DOCK3: variants seen among roughly 807,000 people sequenced by gnomAD.
DOCK3 encodes the protein dedicator of cytokinesis 3.
DOCK3 carries 60 observed loss-of-function variants against 265.6 expected under a neutral mutation model. That is an observed-to-expected ratio of 0.23 (90% confidence interval 0.18 to 0.28). DOCK3 has a LOEUF of 0.28. DOCK3 is among the 10% of genes least tolerant of loss of function. DOCK3 has a pLI of 1.00. For missense variants in DOCK3, 1,981 were observed against 2,594.3 expected (o/e 0.76, Z 5.14); for synonymous variants, 881 against 938.0 (o/e 0.94, Z 1.11).
At chr3:50,778,537 G>A (rs1440416321) in intron 1 of DOCK3, 138 bp from the exon 2 acceptor site, 7 of 566,206 alleles carry the variant, frequency 1.2e-5, no homozygotes, top group African/African-American at 5.6e-5. Context: ...AAATGGAAAG[G>A]GGCTTACACT....
chr3:51,185,882 CAGCCATGTGT>C (rs2087571387), intron 12 of DOCK3, among the ~76,000 whole-genome samples: 1 of 152,142 alleles, frequency 6.6e-6, no homozygotes, highest in South Asian at 2.1e-4. Context: ...GAGGCCTCCC[CAGCCATGTGT>C]AACTGTGAGT....
intron 32 of DOCK3, among the ~76,000 whole-genome samples, chr3:51,327,794 C>G (rs921834586): frequency 4.6e-5 from 7 of 151,876 alleles, no homozygotes; most frequent in Non-Finnish European, 8.8e-5. Context: ...ATTCTCCTGC[C>G]TCAGCCTCCC....
At chr3:50,944,212 A>G (rs1057273273) in intron 5 of DOCK3, among the ~76,000 whole-genome samples, 1 of 152,218 alleles carries the variant, frequency 6.6e-6, no homozygotes, top group African/African-American at 2.4e-5. Context: ...GAAAAACCCC[A>G]TTCCACTGAG....
chr3:50,861,990 G>T (rs1007606687), intron 3 of DOCK3, among the ~76,000 whole-genome samples: 1 of 151,934 alleles, frequency 6.6e-6, no homozygotes, highest in Non-Finnish European at 1.5e-5. Flanking sequence ...TTGCTTTGCC[G>T]TCTCAATTGT....
intron 5 of DOCK3, among the ~76,000 whole-genome samples, chr3:51,010,989 A>C (rs906476516): frequency 6.6e-6 from 1 of 152,054 alleles, no homozygotes. Context: ...CGAGAGATCC[A>C]CTGTTAGTCT....
At chr3:50,710,721 G>C (rs542515289) in intron 1 of DOCK3, among the ~76,000 whole-genome samples, 14 of 152,310 alleles carry the variant, frequency 9.2e-5, no homozygotes, top group African/African-American at 2.9e-4. Context: ...TGCTATAGCA[G>C]CACAATTTGC....
At chr3:50,858,236 C>G (rs557603967) in intron 3 of DOCK3, among the ~76,000 whole-genome samples, 9 of 152,124 alleles carry the variant, frequency 5.9e-5, no homozygotes, top group African/African-American at 1.9e-4. Flanking sequence ...AATGAGAACA[C>G]TTGGACACAG....
chr3:50,866,014 C>G (rs1484715681), intron 3 of DOCK3, among the ~76,000 whole-genome samples: 2 of 151,524 alleles, frequency 1.3e-5, no homozygotes, highest in Admixed American at 1.3e-4. Flanking sequence ...CGATTTTTTT[C>G]CTATAGAGTT....
chr3:50,726,870 A>G (rs560975328), intron 1 of DOCK3, among the ~76,000 whole-genome samples: 5 of 152,328 alleles, frequency 3.3e-5, no homozygotes, highest in Non-Finnish European at 7.4e-5. Context: ...GAGACTTGCA[A>G]AGAAACAAAA....
chr3:51,051,026 C>G (rs1401286936), intron 5 of DOCK3, among the ~76,000 whole-genome samples: 3 of 152,008 alleles, frequency 2.0e-5, no homozygotes, highest in African/African-American at 4.8e-5. Flanking sequence ...AGGTCTAGGA[C>G]TTAGTAATGC....
intron 23 of DOCK3, among the ~76,000 whole-genome samples, chr3:51,266,280 T>A (rs984914045): frequency 9.9e-5 from 15 of 152,114 alleles, no homozygotes; most frequent in East Asian, 3.8e-4. Flanking sequence ...GTCAATGCCA[T>A]CCCCATCAAG....
chr3:50,769,339 T>C (rs1000556702), intron 1 of DOCK3, among the ~76,000 whole-genome samples: 3 of 152,180 alleles, frequency 2.0e-5, no homozygotes, highest in Non-Finnish European at 4.4e-5. Flanking sequence ...CCCTTCATAA[T>C]AAAAACTCTA....
At chr3:50,899,764 G>A (rs539427435) in intron 4 of DOCK3, among the ~76,000 whole-genome samples, 1 of 152,190 alleles carries the variant, frequency 6.6e-6, no homozygotes, top group South Asian at 2.1e-4. Flanking sequence ...GTGAAAATCT[G>A]GGTTGAAAAT....
chr3:51,307,106 A>G (rs1192900469), intron 27 of DOCK3, among the ~76,000 whole-genome samples: 1 of 151,812 alleles, frequency 6.6e-6, no homozygotes, highest in Non-Finnish European at 1.5e-5. Flanking sequence ...TTTTAGTGAC[A>G]TTATTGGACT....
intron 9 of DOCK3, among the ~76,000 whole-genome samples, chr3:51,097,081 G>A (rs1001409286): frequency 6.6e-6 from 1 of 152,220 alleles, no homozygotes; most frequent in African/African-American, 2.4e-5. Flanking sequence ...GGAGGCACAG[G>A]GATCAGGGAC....
chr3:51,066,996 T>C (rs1424154368), intron 6 of DOCK3, among the ~76,000 whole-genome samples: 1 of 152,208 alleles, frequency 6.6e-6, no homozygotes, highest in Non-Finnish European at 1.5e-5. Flanking sequence ...AGTATGTTGA[T>C]GTACAGCATA....
chr3:51,292,099 A>G (rs765452167), intron 27 of DOCK3, among the ~76,000 whole-genome samples: 15 of 152,218 alleles, frequency 9.9e-5, no homozygotes, highest in Non-Finnish European at 1.8e-4. Context: ...CTTCAAAACA[A>G]TAAATATCAT....
At chr3:51,320,248 G>A (rs928880771) in intron 32 of DOCK3, among the ~76,000 whole-genome samples, 4 of 152,136 alleles carry the variant, frequency 2.6e-5, no homozygotes, top group African/African-American at 9.7e-5. Flanking sequence ...GCCAAGAGAA[G>A]CCATGAGGGA....
Position 51,050,883 on chromosome 3 carries a change from C to T in DOCK3, c.316-13565C>T, listed in dbSNP as rs1412332338. On this transcript the variant is annotated intron_variant, in intron 5 of 52. Coordinates refer to ENST00000266037, the MANE Select transcript of DOCK3 (RefSeq NM_004947.5). ...AGTCAAGTTAACATATTAACCATCA[C>T]GTATAGCATTATATGATTATAGATA... Among the ~76,000 whole-genome samples the T allele has an allele frequency of 5.9e-5, 9 of 152,012 alleles. No individual in the cohort carries two copies. In the East Asian group the frequency reaches 1.7e-3, roughly 29 times the overall value.
Sources: gnomAD v4.1 joint callset for allele counts (sites outside exome capture counted in the v4.1 genomes callset) on GRCh38, gnomAD v4.1.1 for gene constraint, MANE v1.5 for transcripts, NCBI Gene and HGNC (gene_info 2026-07-23, HGNC 2026-07-21) for gene names.